Variants in GSAP observed in about 807,000 individuals in gnomAD.
GSAP encodes gamma-secretase-activating protein.
GSAP carries 118 observed loss-of-function variants against 131.7 expected under a neutral mutation model. The ratio of observed to expected loss-of-function variants is 0.90; its 90% confidence interval spans 0.77 to 1.04. GSAP has a LOEUF of 1.04. GSAP is among the 50% of genes least tolerant of loss of function. The pLI is 0.00. For synonymous variants in GSAP, 381 were observed against 363.4 expected, an observed-to-expected ratio of 1.05 and a Z score of -0.55; for missense variants, 1,019 against 1,013.2, an observed-to-expected ratio of 1.01 and a Z score of -0.08.
At chr7:77,368,354 G>A (rs1795615490) in intron 12 of GSAP, among the ~76,000 whole-genome samples, 1 of 152,154 alleles carries the variant, frequency 6.6e-6, no homozygotes, top group Non-Finnish European at 1.5e-5. Flanking sequence ...CACATTAGCT[G>A]CTTCTAATCA....
chr7:77,366,805 A>G (rs1192489169), intron 12 of GSAP, among the ~76,000 whole-genome samples: 2 of 152,168 alleles, frequency 1.3e-5, no homozygotes, highest in Non-Finnish European at 1.5e-5. Context: ...GAATCTGTAC[A>G]CTGCTTTGGG....
Position 77,323,752 on chromosome 7 carries a change from G to A in GSAP, c.1828-10C>T. 7.1e-7 allele frequency: 1 copy of A among 1,400,786 alleles called. No homozygotes were observed. Among genetic ancestry groups the A allele is most frequent in the Admixed American group, 1.7e-5 (1 of 57,148 alleles). The allele number at this position is 1,400,786 out of a possible 1,614,324, so 86.8% of individuals were successfully genotyped here. A position where few individuals can be genotyped will look rare whatever the true frequency, so the allele number is the denominator to read the frequency against. On this transcript the variant is annotated splice_polypyrimidine_tract_variant and intron_variant, in intron 23 of 30. Coordinates refer to ENST00000257626, the MANE Select transcript of GSAP (RefSeq NM_017439.4). ...TTAGCTCAGACACCATCTGAAAACA[G>A]GATATGCATTAAATAAGTCACAGCC...
chr7:77,402,270 C>T (rs1005174211), intron 3 of GSAP, among the ~76,000 whole-genome samples: 5 of 150,140 alleles, frequency 3.3e-5, no homozygotes, highest in Non-Finnish European at 7.4e-5. Flanking sequence ...AATCTTAGGC[C>T]GGGCACGGTG....
intron 8 of GSAP, chr7:77,380,186 C>G (rs1797585272): frequency 6.6e-6 from 1 of 152,326 alleles, no homozygotes; most frequent in Non-Finnish European, 1.5e-5. Flanking sequence ...AAGGGAGACA[C>G]AGACTAAGAT....
At chr7:77,313,644 A>C in intron 27 of GSAP, 95 bp from the exon 28 acceptor site, 1 of 616,412 alleles carries the variant, frequency 1.6e-6, no homozygotes, top group African/African-American at 1.8e-5. Flanking sequence ...TCTTGATAGG[A>C]CATATCCCAA....
chr7:77,370,786 C>CCACAA (rs1241347615), intron 12 of GSAP, among the ~76,000 whole-genome samples: 1 of 152,116 alleles, frequency 6.6e-6, no homozygotes, highest in African/African-American at 2.4e-5. Flanking sequence ...CACCTCAATT[C>CCACAA]CACAACACAA....
chr7:77,351,345 T>C (rs1223013606), intron 18 of GSAP: 1 of 947,424 alleles, frequency 1.1e-6, no homozygotes, highest in Non-Finnish European at 1.3e-6. Flanking sequence ...TTTTCTATTA[T>C]CTTAAAAAAT....
chr7:77,415,362 G>A (rs751087184), intron 1 of GSAP: 1 of 152,208 alleles, frequency 6.6e-6, no homozygotes, highest in Non-Finnish European at 1.5e-5. Context: ...AGACCTACAG[G>A]CATCATTGCT....
At chr7:77,401,591 G>A (rs1259289226) in intron 3 of GSAP, among the ~76,000 whole-genome samples, 3 of 152,040 alleles carry the variant, frequency 2.0e-5, no homozygotes, top group Non-Finnish European at 4.4e-5. Context: ...AAAAAAAATG[G>A]TTAAAAAAAG....
At chr7:77,406,514 G>A (rs1802297006) in intron 1 of GSAP, among the ~76,000 whole-genome samples, 1 of 152,220 alleles carries the variant, frequency 6.6e-6, no homozygotes, top group South Asian at 2.1e-4. Flanking sequence ...ATAGCCTCCT[G>A]TAGATTAACC....
At chr7:77,416,571 G>C (rs1804510402), upstream of GSAP, 1 of 353,664 alleles carries the variant, frequency 2.8e-6, no homozygotes, top group Non-Finnish European at 5.1e-6. Context: ...TGGACCAGGC[G>C]CCAGGACCAG....
At chr7:77,350,155 C>T (rs1320126300) in intron 18 of GSAP, among the ~76,000 whole-genome samples, 1 of 150,866 alleles carries the variant, frequency 6.6e-6, no homozygotes, top group Non-Finnish European at 1.5e-5. Context: ...TCATCATTCT[C>T]AGTAAACTAT....
chr7:77,368,337 A>G (rs1795613468), intron 12 of GSAP, among the ~76,000 whole-genome samples: 1 of 152,128 alleles, frequency 6.6e-6, no homozygotes, highest in Non-Finnish European at 1.5e-5. Flanking sequence ...TCCCTGTGAG[A>G]GTGGCTCACA....
rs537212937 is a variant in GSAP at position 77,390,050 on chromosome 7, T to A, written c.368-2602A>T. Among the ~76,000 whole-genome samples, 19 of 152,390 alleles carry A rather than the reference T, an allele frequency of 1.2e-4. No homozygotes were observed. In the South Asian group the frequency reaches 3.9e-3, roughly 32 times the overall value. ...TGATGGCCAGTGATCATGAGCATTT[T>A]TTCATGTGTTTTTTGGCTGAATAAA... On this transcript the variant is annotated intron_variant, in intron 5 of 30. Transcript: ENST00000257626.
intron 18 of GSAP, among the ~76,000 whole-genome samples, chr7:77,350,888 T>C (rs1427075686): frequency 6.6e-6 from 1 of 152,232 alleles, no homozygotes; most frequent in East Asian, 1.9e-4. Context: ...CTTTCAAGAT[T>C]GCCTTTTATT....
At position 77,324,456 on chromosome 7, in the gene GSAP, C is replaced by T. The variant is rs1051814369; in HGVS notation, c.1828-714G>A. Among the ~76,000 whole-genome samples, 5 of 152,174 alleles carry T rather than the reference C, an allele frequency of 3.3e-5. No individual in the cohort carries two copies. The South Asian group carries it at 1.0e-3, about 31-fold the overall frequency. ...CAGCAAGAGCAGGATGCCAGGACCA[C>T]GTTTGTGCCAATAAACAGCCCAAGG... On this transcript the variant is annotated intron_variant, in intron 23 of 30. Transcript: ENST00000257626.
At chr7:77,395,868 T>C (rs1800293691) in intron 5 of GSAP, among the ~76,000 whole-genome samples, 1 of 152,148 alleles carries the variant, frequency 6.6e-6, no homozygotes, top group Non-Finnish European at 1.5e-5. Context: ...AAGTGTCAAA[T>C]AAACAGAACA....
intron 14 of GSAP, 140 bp from the exon 15 acceptor site, chr7:77,355,787 G>GTTTTTATTTTTTTT (rs1554401704): frequency 3.6e-6 from 1 of 274,572 alleles, no homozygotes; most frequent in African/African-American, 3.3e-5. Context: ...ATGACAGCCC[G>GTTTTTATTTTTTTT]TTTTTTTTTT....
At chr7:77,344,801 T>TC (rs1411363136) in intron 19 of GSAP, among the ~76,000 whole-genome samples, 1 of 152,102 alleles carries the variant, frequency 6.6e-6, no homozygotes, top group East Asian at 1.9e-4. Context: ...CCTCTACCTC[T>TC]CCCCAGCTAT....
Sources: gnomAD v4.1 joint callset for allele counts (sites outside exome capture counted in the v4.1 genomes callset) on GRCh38, gnomAD v4.1.1 for gene constraint, MANE v1.5 for transcripts, NCBI Gene and HGNC (gene_info 2026-07-23, HGNC 2026-07-21) for gene names.